SV2C: variants seen among roughly 807,000 people sequenced by gnomAD.
The protein encoded by SV2C is synaptic vesicle glycoprotein 2C, also known as solute carrier family 22 member B3.
A neutral mutation model predicts 79.7 loss-of-function variants in SV2C; 49 were observed. That is an observed-to-expected ratio of 0.61 (90% CI 0.49 to 0.78). The LOEUF (loss-of-function observed/expected upper bound fraction) is 0.78, where lower values mean the gene tolerates loss of function less well. SV2C is among the 30% of genes least tolerant of loss of function. SV2C has a pLI of 0.00. For synonymous variants in SV2C, 334 were observed against 333.2 expected, an observed-to-expected ratio of 1.00 and a Z score of -0.03; for missense variants, 833 against 912.9, an observed-to-expected ratio of 0.91 and a Z score of 1.13.
intron 4 of SV2C, among the ~76,000 whole-genome samples, chr5:76,240,152 C>T (rs1198577992): frequency 6.6e-6 from 1 of 152,230 alleles, no homozygotes; most frequent in African/African-American, 2.4e-5. Flanking sequence ...TTTGGTGGCA[C>T]CCCTACAGCA....
intron 12 of SV2C, among the ~76,000 whole-genome samples, chr5:76,301,800 T>G (rs1369728170): frequency 6.7e-6 from 1 of 149,642 alleles, no homozygotes; most frequent in African/African-American, 2.5e-5. Context: ...TCCCAGTTAC[T>G]CAGGAGGCTG....
chr5:76,283,702 A>G (rs1747263145), intron 4 of SV2C, among the ~76,000 whole-genome samples: 1 of 152,220 alleles, frequency 6.6e-6, no homozygotes, highest in South Asian at 2.1e-4. Context: ...CACTATCTTC[A>G]TATATTAAAT....
chr5:76,052,869 G>T, the SV2C span, among the ~76,000 whole-genome samples: 3,710 of 151,204 alleles, frequency 0.025, 159 homozygotes, highest in African/African-American at 0.085. Context: ...CTCTTGGAGG[G>T]TTTATAAGTT....
intron 2 of SV2C, among the ~76,000 whole-genome samples, chr5:76,164,376 T>C (rs1367154798): frequency 6.6e-6 from 1 of 152,194 alleles, no homozygotes; most frequent in African/African-American, 2.4e-5. Flanking sequence ...TAGGGACCAT[T>C]ATTTGTGTCA....
At chr5:75,939,155 G>T in the SV2C span, among the ~76,000 whole-genome samples, 1 of 152,114 alleles carries the variant, frequency 6.6e-6, no homozygotes, top group African/African-American at 2.4e-5. Context: ...CAGCCTCCTG[G>T]TTTTTCAGCT....
chr5:76,095,636 T>A (rs1747529276), intron 1 of SV2C, among the ~76,000 whole-genome samples: 1 of 152,120 alleles, frequency 6.6e-6, no homozygotes, highest in African/African-American at 2.4e-5. Flanking sequence ...TATGAATTAT[T>A]TAAGAATCAT....
the SV2C span, among the ~76,000 whole-genome samples, chr5:76,026,615 T>G: frequency 6.6e-6 from 1 of 152,220 alleles, no homozygotes; most frequent in Admixed American, 6.5e-5. Context: ...CAAGGAATGC[T>G]GATAACTTTG....
chr5:76,127,079 T>G (rs1295949853), intron 1 of SV2C, among the ~76,000 whole-genome samples: 2 of 152,216 alleles, frequency 1.3e-5, no homozygotes, highest in Non-Finnish European at 2.9e-5. Flanking sequence ...GTTAGAAGAA[T>G]GGACTCTCCC....
chr5:76,275,741 A>T (rs73764308), intron 4 of SV2C, among the ~76,000 whole-genome samples: 1,726 of 152,326 alleles, frequency 0.011, 30 homozygotes, highest in African/African-American at 0.039. Flanking sequence ...ATTATTCATG[A>T]CATATAATAC....
At chr5:76,032,411 C>T in the SV2C span, among the ~76,000 whole-genome samples, 1 of 152,254 alleles carries the variant, frequency 6.6e-6, no homozygotes, top group African/African-American at 2.4e-5. Context: ...CCCGACCCCA[C>T]AACAGTTCCC....
At position 76,100,199 on chromosome 5, in the gene SV2C, G is replaced by A. The variant is rs192277568; in HGVS notation, c.-102+16687G>A. Among the ~76,000 whole-genome samples, 378 of 152,208 alleles carry A rather than the reference G, an allele frequency of 2.5e-3. 1 individual carries two copies. The highest frequency in any genetic ancestry group is 6.7e-3 in the Admixed American group (102 of 15,280). On this transcript the variant is annotated intron_variant, in intron 1 of 12. Transcript: ENST00000502798. ...TTGGGTCAACTGGAGGTCCAGTTTGGCGACTTATTTGCTTATTAGCTCATA... is the reference window on the plus strand; with the variant it reads ...TTGGGTCAACTGGAGGTCCAGTTTGACGACTTATTTGCTTATTAGCTCATA...
In SV2C at chr5:76,328,590, C is replaced by G. The variant is rs1329783246; in HGVS notation, c.*3043C>G. Reference sequence around the variant, plus strand: ...ATGGGTCCTAGCCTGACCTTCACCACTAAGCGGTACAGGGACCCAGATCTT... The same window carrying G: ...ATGGGTCCTAGCCTGACCTTCACCAGTAAGCGGTACAGGGACCCAGATCTT... On this transcript the variant is annotated 3_prime_UTR_variant, in exon 13 of 13. Transcript: ENST00000502798. The G allele has an allele frequency of 6.6e-6, 1 of 152,208 alleles. No homozygotes were observed. The highest frequency in any genetic ancestry group is 2.4e-5 in the African/African-American group (1 of 41,446). The allele number at this position is 152,208 out of a possible 1,614,324, so 9.4% of individuals were successfully genotyped here.
the SV2C span, among the ~76,000 whole-genome samples, chr5:75,893,353 T>C: frequency 6.6e-6 from 1 of 151,996 alleles, no homozygotes; most frequent in Admixed American, 6.6e-5. Flanking sequence ...GTCTGTAAAG[T>C]ATTCTAGATT....
chr5:76,087,954 G>A (rs945693531), intron 1 of SV2C, among the ~76,000 whole-genome samples: 1 of 152,220 alleles, frequency 6.6e-6, no homozygotes, highest in African/African-American at 2.4e-5. Context: ...TTGGCAGAAG[G>A]AACATTGTAA....
the SV2C span, among the ~76,000 whole-genome samples, chr5:75,871,859 G>A: frequency 2.1e-4 from 24 of 117,056 alleles, no homozygotes; most frequent in African/African-American, 5.2e-4. Context: ...ACACACACAC[G>A]TATATATATT....
the SV2C span, among the ~76,000 whole-genome samples, chr5:76,063,648 A>G: frequency 2.0e-5 from 3 of 152,238 alleles, no homozygotes; most frequent in East Asian, 5.8e-4. Flanking sequence ...AGGACCCAAT[A>G]TCCTTTGAGC....
rs771229341 is a variant in SV2C at position 76,332,156 on chromosome 5, C to T, written c.*6609C>T. On this transcript the variant is annotated 3_prime_UTR_variant, in exon 13 of 13. Transcript: ENST00000502798. ...ATTGCTGAGATTGTCCACTCTCTGC[C>T]TACTTTATTGCATTCATGCTCCCCT... The T allele has an allele frequency of 2.0e-5, 3 of 152,186 alleles. No individual in the cohort carries two copies. The highest frequency in any genetic ancestry group is 4.4e-5 in the Non-Finnish European group (3 of 68,040). The allele number at this position is 152,186 out of a possible 1,614,324, so 9.4% of individuals were successfully genotyped here.
rs552064463 is a variant in SV2C, at chr5:76,319,785, G to C, written c.2001-5579G>C. 1.8e-4 allele frequency among the ~76,000 whole-genome samples: 28 copies of C among 152,306 alleles called. No homozygotes were observed. In the South Asian group the frequency reaches 5.2e-3, roughly 28 times the overall value. ...TTATACGCTATTCTGAGTTATACCAGAGGTTCGTCGTTTGGGAAAATACGG... is the reference window on the plus strand; with the variant it reads ...TTATACGCTATTCTGAGTTATACCACAGGTTCGTCGTTTGGGAAAATACGG... On this transcript the variant is annotated intron_variant, in intron 12 of 12. Transcript: ENST00000502798.
chr5:76,011,392 G>A, the SV2C span, among the ~76,000 whole-genome samples: 1 of 152,106 alleles, frequency 6.6e-6, no homozygotes, highest in Non-Finnish European at 1.5e-5. Flanking sequence ...ATTTGGAGAA[G>A]TTAAATGATT....
Sources: allele counts gnomAD v4.1 joint callset (sites outside exome capture counted in the v4.1 genomes callset), GRCh38; gene constraint gnomAD v4.1.1; transcripts MANE v1.5; gene names NCBI Gene and HGNC (gene_info 2026-07-23, HGNC 2026-07-21).